The following CLASP2 variants were observed in gnomAD, a reference collection of about 807,000 sequenced individuals.
CLASP2 encodes the protein cytoplasmic linker associated protein 2, also known as CLIP-associating protein 2.
CLASP2 carries 47 observed loss-of-function variants against 194.4 expected under a neutral mutation model. The ratio of observed to expected loss-of-function variants is 0.24; its 90% CI spans 0.19 to 0.31. CLASP2 has a LOEUF of 0.31. CLASP2 is among the 10% of genes least tolerant of loss of function. CLASP2 has a pLI of 1.00. For synonymous variants in CLASP2, 619 were observed against 633.5 expected, an observed-to-expected ratio of 0.98 and a Z score of 0.34; for missense variants, 1,445 against 1,823.6, an observed-to-expected ratio of 0.79 and a Z score of 3.78.
intron 30 of CLASP2, 98 bp from the exon 31 acceptor site, chr3:33,544,939 CCAT>C (rs1269443900): frequency 1.3e-6 from 1 of 767,804 alleles, no homozygotes. Context: ...CGAAGCTTGA[CCAT>C]CTTTCCCAGG....
intron 4 of CLASP2, among the ~76,000 whole-genome samples, chr3:33,687,714 T>C (rs780096006): frequency 6.6e-6 from 1 of 152,198 alleles, no homozygotes; most frequent in Non-Finnish European, 1.5e-5. Context: ...ATATGACCTA[T>C]GACATTGCAT....
intron 6 of CLASP2, among the ~76,000 whole-genome samples, chr3:33,676,017 T>C (rs1183348098): frequency 6.6e-6 from 1 of 151,588 alleles, no homozygotes; most frequent in Non-Finnish European, 1.5e-5. Context: ...CCCAAGGTAA[T>C]TTATAGATTC....
chr3:33,502,972 G>C (rs971195967), intron 37 of CLASP2: 8 of 152,090 alleles, frequency 5.3e-5, no homozygotes, highest in African/African-American at 1.9e-4. Context: ...AGTATTGTAA[G>C]TTTACATCTT....
chr3:33,545,125 T>C (rs1370331807), intron 30 of CLASP2: 1 of 213,760 alleles, frequency 4.7e-6, no homozygotes, highest in Non-Finnish European at 9.1e-6. Context: ...GTTACTCTGT[T>C]ACATACTACT....
At position 33,581,939 on chromosome 3, in the gene CLASP2, G is replaced by T. The variant is rs772787134; in HGVS notation, c.2240-11C>A. 4.5e-6 allele frequency: 7 copies of T among 1,568,858 alleles called. No individual in the cohort carries two copies. The African/African-American group carries it at 8.1e-5, about 18-fold the overall frequency. ...TACGACTGCTTCGGGCTGGTGTGAA[G>T]CAACAGCAGCACACACAGTAAGGGA... On this transcript the variant is annotated splice_polypyrimidine_tract_variant and intron_variant, in intron 22 of 38. Coordinates refer to ENST00000682230, the MANE Select transcript of CLASP2 (RefSeq NM_001365631.1).
chr3:33,538,266 T>C (rs2057746563), intron 33 of CLASP2, among the ~76,000 whole-genome samples: 2 of 152,242 alleles, frequency 1.3e-5, no homozygotes, highest in South Asian at 4.1e-4. Context: ...CTAAATGTCT[T>C]TGGATTTGCT....
intron 34 of CLASP2, among the ~76,000 whole-genome samples, chr3:33,520,804 CAG>C (rs987492534): frequency 1.4e-5 from 2 of 147,206 alleles, no homozygotes; most frequent in African/African-American, 5.1e-5. Flanking sequence ...GATATGGAAA[CAG>C]AGATGTAAAT....
intron 27 of CLASP2, among the ~76,000 whole-genome samples, chr3:33,562,169 GA>G (rs2061894719): frequency 6.6e-6 from 1 of 152,188 alleles, no homozygotes. Flanking sequence ...TGTAACAGCA[GA>G]AACTATAATT....
At chr3:33,575,202 T>C (rs567610364) in intron 24 of CLASP2, among the ~76,000 whole-genome samples, 2 of 152,104 alleles carry the variant, frequency 1.3e-5, no homozygotes, top group Non-Finnish European at 2.9e-5. Flanking sequence ...TTATATTAAT[T>C]TATAAAAAAT....
chr3:33,673,643 C>A (rs972937388), intron 6 of CLASP2, among the ~76,000 whole-genome samples: 12 of 152,206 alleles, frequency 7.9e-5, no homozygotes, highest in African/African-American at 2.9e-4. Context: ...AAGACACAGA[C>A]TGGCAAACTG....
chr3:33,645,929 T>TATACACACACACAC (rs893744534), intron 7 of CLASP2, among the ~76,000 whole-genome samples: 3 of 135,118 alleles, frequency 2.2e-5, no homozygotes, highest in Non-Finnish European at 3.2e-5. Context: ...TCTCCCAGCA[T>TATACACACACACAC]ACACACACAC....
chr3:33,617,126 C>T (rs1577257431), intron 12 of CLASP2, among the ~76,000 whole-genome samples: 1 of 148,972 alleles, frequency 6.7e-6, no homozygotes, highest in Non-Finnish European at 1.5e-5. Flanking sequence ...GGACCATTTT[C>T]GTATTTTAAA....
At chr3:33,616,055 C>G (rs2076100598) in intron 12 of CLASP2, among the ~76,000 whole-genome samples, 1 of 150,420 alleles carries the variant, frequency 6.6e-6, no homozygotes, top group Non-Finnish European at 1.5e-5. Context: ...AAAATAGAAA[C>G]TAAAGAATTA....
Position 33,608,744 on chromosome 3 carries a change from CTTTTTTTTTTT to C in CLASP2, c.1389-129_1389-119del, listed in dbSNP as rs766687478. 6.9e-5 allele frequency: 11 copies of C among 159,840 alleles called. No individual in the cohort carries two copies. The East Asian group carries it at 8.0e-4, about 12-fold the overall frequency. The allele number at this position is 159,840 out of a possible 1,614,324, so 9.9% of individuals were successfully genotyped here. A position where few individuals can be genotyped will look rare whatever the true frequency, so the allele number is the denominator to read the frequency against. The stretch of plus-strand genomic sequence containing the variant: ...AAGCATAAGACATGTTTTTAGATAT[CTTTTTTTTTTT>C]TTTTTTTTTTTTTGGAGACAGAGTT... On this transcript the variant is annotated intron_variant, in intron 13 of 38. Transcript: ENST00000682230.
rs1322053442 is a variant in CLASP2 at position 33,697,035 on chromosome 3, A to AT, written c.196-103dup. On this transcript the variant is annotated intron_variant, in intron 1 of 38. Transcript: ENST00000682230. ...TAAAAGATCTTCATAAATATATTAC[A>AT]TTTTTTAAAAATGAGATTTAAGTAT... 10 of 700,658 alleles carry AT rather than the reference A, an allele frequency of 1.4e-5. No individual in the cohort carries two copies. The South Asian group carries it at 1.7e-4, about 12-fold the overall frequency. 43.4% of individuals were successfully genotyped at this position (700,658 alleles called of 1,614,324 possible). A position where few individuals can be genotyped will look rare whatever the true frequency, so the allele number is the denominator to read the frequency against.
chr3:33,555,731 T>C (rs548046586), intron 29 of CLASP2, among the ~76,000 whole-genome samples: 46 of 152,334 alleles, frequency 3.0e-4, no homozygotes, highest in African/African-American at 9.1e-4. Context: ...AAGGTGACTA[T>C]GTTAAATCAA....
At chr3:33,577,369 T>C in intron 23 of CLASP2, 1 of 846,698 alleles carries the variant, frequency 1.2e-6, no homozygotes. Flanking sequence ...GGTGTTATTC[T>C]TTATAGTTAA....
At chr3:33,505,254 C>CAAT (rs1025618220) in intron 37 of CLASP2, 1 of 151,196 alleles carries the variant, frequency 6.6e-6, no homozygotes. Context: ...ACAACAACAA[C>CAAT]AACAACAACA....
At chr3:33,637,057 A>G (rs1226823941) in intron 8 of CLASP2, among the ~76,000 whole-genome samples, 1 of 152,254 alleles carries the variant, frequency 6.6e-6, no homozygotes, top group African/African-American at 2.4e-5. Flanking sequence ...AGCTGACTAA[A>G]AGGAAGTGAA....
Sources: gnomAD v4.1 joint callset for allele counts (sites outside exome capture counted in the v4.1 genomes callset) on GRCh38, gnomAD v4.1.1 for gene constraint, MANE v1.5 for transcripts, NCBI Gene and HGNC (gene_info 2026-07-23, HGNC 2026-07-21) for gene names.